Variants in WDR97 observed in about 807,000 individuals in gnomAD.
WDR97 encodes WD repeat domain 97.
In WDR97, 111 loss-of-function variants were observed where a neutral mutation model predicts 65.4. The observed-to-expected ratio is 1.70, with a 90% CI of 1.45 to 1.99. The LOEUF (loss-of-function observed/expected upper bound fraction) is 1.99. Ranked by LOEUF, WDR97 falls within the 30% of genes most tolerant of loss-of-function variation. The probability of loss-of-function intolerance (pLI) is 0.00; values close to 1 mark genes in which losing one functional copy is unlikely to be tolerated. For synonymous variants in WDR97, 802 were observed against 397.7 expected (o/e 2.02, Z -12.10); for missense variants, 1,674 against 865.0 (o/e 1.94, Z -11.73).
At position 144,109,711 on chromosome 8, in the gene WDR97, G is replaced by T. The variant is rs1286120576; in HGVS notation, c.1377G>T (p.Ser459=). The T allele has an allele frequency of 1.5e-6, 1 of 679,296 alleles. No homozygotes were observed. Among genetic ancestry groups the T allele is most frequent in the East Asian group, 2.8e-5 (1 of 35,096 alleles). 42.1% of individuals were successfully genotyped at this position (679,296 alleles called of 1,614,324 possible). ...CCGACGGCTCGGTCTACCTCCTGTC[G>T]GCGGCCACCGGGCGCATAGTGAGCT... ...ACADGSVYLL[S]AATGRIVSSL... Residue 459 remains serine (S), a synonymous_variant, in exon 5 of 24, where the codon TCG becomes TCT. Coordinates refer to ENST00000323662, the MANE Select transcript of WDR97 (RefSeq NM_001316309.2).
In WDR97 at chr8:144,109,896, C is replaced by T. The variant is rs767164839; in HGVS notation, c.1562C>T (p.Ala521Val). The T allele has an allele frequency of 2.9e-6, 2 of 701,646 alleles. No homozygotes were observed. Among genetic ancestry groups the T allele is most frequent in the South Asian group, 1.5e-5 (1 of 67,562 alleles). 43.5% of individuals were successfully genotyped at this position (701,646 alleles called of 1,614,324 possible). ...CGCGTGTGCCCGCCGCCGCCCCCTG[C>T]GCCGCAGCCTTGCTGTCTGCACCTG... ...LHRVCPPPPP[A>V]PQPCCLHLYS... The change falls in exon 5 of 24, where the codon GCG becomes GTG. Residue 521 changes from alanine to valine, a missense_variant. By Grantham distance (64) the Ala-to-Val change is moderately conservative (BLOSUM62 0). Transcript: ENST00000323662.
Position 144,109,683 on chromosome 8 carries a change from G to T in WDR97, c.1349G>T (p.Cys450Phe). 1.5e-6 allele frequency: 1 copy of T among 669,762 alleles called. No homozygotes were observed. Among genetic ancestry groups the T allele is most frequent in the Non-Finnish European group, 2.7e-6 (1 of 370,952 alleles). The allele number at this position is 669,762 out of a possible 1,614,324, so 41.5% of individuals were successfully genotyped here. A position where few individuals can be genotyped will look rare whatever the true frequency, so the allele number is the denominator to read the frequency against. ...CTGCCTACGCGCCTCGTGTGCGCGT[G>T]CGCCGACGGCTCGGTCTACCTCCTG... ...QSLPTRLVCACADGSVYLLSA... is the reference protein window; with the variant it reads ...QSLPTRLVCAFADGSVYLLSA... Residue 450 changes from cysteine (C) to phenylalanine (F), a missense_variant, in exon 5 of 24, where the codon TGC becomes TTC. Coordinates refer to ENST00000323662, the MANE Select transcript of WDR97 (RefSeq NM_001316309.2).
intron 11 of WDR97, 30 bp downstream of exon 11, chr8:144,111,516 C>A: frequency 1.4e-6 from 1 of 700,566 alleles, no homozygotes; most frequent in Non-Finnish European, 2.6e-6. Context: ...GCCCGCCCTG[C>A]CCCGGCTCAG....
rs1292597901 is a variant in WDR97, at chr8:144,110,746, T to C, written c.2171+7T>C. ...CTGAGAACCGCCTCCTGCGGTAGGCTAGGAGGTGGGGAGGGCTGGGGTCTC... is the reference window on the plus strand; with the variant it reads ...CTGAGAACCGCCTCCTGCGGTAGGCCAGGAGGTGGGGAGGGCTGGGGTCTC... On this transcript the variant is annotated splice_region_variant and intron_variant, in intron 8 of 23. Coordinates refer to ENST00000323662, the MANE Select transcript of WDR97 (RefSeq NM_001316309.2). 3 of 702,716 alleles carry C rather than the reference T, an allele frequency of 4.3e-6. No individual in the cohort carries two copies. Among genetic ancestry groups the C allele is most frequent in the Non-Finnish European group, 7.8e-6 (3 of 384,864 alleles). 43.5% of individuals were successfully genotyped at this position (702,716 alleles called of 1,614,324 possible).
Position 144,111,741 on chromosome 8 carries a change from T to C in WDR97, c.2597T>C (p.Phe866Ser), listed in dbSNP as rs1369900511. 1 of 692,940 alleles carries C rather than the reference T, an allele frequency of 1.4e-6. No homozygotes were observed. Among genetic ancestry groups the C allele is most frequent in the African/African-American group, 1.8e-5 (1 of 56,890 alleles). The allele number at this position is 692,940 out of a possible 1,614,324, so 42.9% of individuals were successfully genotyped here. The change falls in exon 12 of 24, where the codon TTT (phenylalanine) becomes TCT (serine). Residue 866 changes from phenylalanine (F) to serine (S), a missense_variant. Coordinates refer to ENST00000323662, the MANE Select transcript of WDR97 (RefSeq NM_001316309.2). ...PPSWQQRQEG[F>S]DNYLRLIYGS... ...TCCTGGCAGCAGCGCCAGGAAGGCTTTGACAATTACCTCCGTCTGATCTAC... is the reference window on the plus strand; with the variant it reads ...TCCTGGCAGCAGCGCCAGGAAGGCTCTGACAATTACCTCCGTCTGATCTAC...
Position 144,113,771 on chromosome 8 carries a change from G to A in WDR97, c.3298G>A (p.Asp1100Asn), listed in dbSNP as rs140224732. ...GEKPGEEGEE[D>N]KKEEEEEKED... ...GAAGCCTGGGGAGGAGGGGGAGGAA[G>A]ACAAGAAGGAAGAGGAGGAGGAGAA... The change falls in exon 17 of 24, where the codon GAC becomes AAC. Residue 1100 changes from aspartate to asparagine, a missense_variant. Physicochemically the swap from Asp to Asn is conservative, Grantham distance 23 (BLOSUM62 1). Transcript: ENST00000323662. 116 of 702,794 alleles carry A rather than the reference G, an allele frequency of 1.7e-4. No homozygotes were observed. The African/African-American group carries it at 1.7e-3, about 10-fold the overall frequency. The allele number at this position is 702,794 out of a possible 1,614,324, so 43.5% of individuals were successfully genotyped here. A position where few individuals can be genotyped will look rare whatever the true frequency, so the allele number is the denominator to read the frequency against.
In WDR97 at chr8:144,110,002, C is replaced by T. The variant is rs985953439; in HGVS notation, c.1668C>T (p.Ser556=). The change falls in exon 5 of 24, where the codon AGC becomes AGT. Residue 556 remains serine (S), a synonymous_variant. Coordinates refer to ENST00000323662, the MANE Select transcript of WDR97 (RefSeq NM_001316309.2). ...AGCACTGGGGCGAGTTGCGCTGCAG[C>T]TCTGTGGCCTGCGCCTGGAAGAACA... ...VRQHWGELRC[S]SVACAWKNKN... The T allele has an allele frequency of 8.6e-6, 6 of 698,952 alleles. No individual in the cohort carries two copies. Among genetic ancestry groups the T allele is most frequent in the Non-Finnish European group, 1.6e-5 (6 of 382,570 alleles). 43.3% of individuals were successfully genotyped at this position (698,952 alleles called of 1,614,324 possible).
intron 12 of WDR97, 47 bp downstream of exon 12, chr8:144,111,828 T>C (rs1166773440): frequency 1.4e-6 from 1 of 696,748 alleles, no homozygotes; most frequent in Non-Finnish European, 2.6e-6. Context: ...TGGCCCCTCT[T>C]CTCCACCCAC....
Position 144,112,493 on chromosome 8 carries a change from T to C in WDR97, c.3068T>C (p.Leu1023Pro), listed in dbSNP as rs1836571530. Residue 1023 changes from leucine (L) to proline (P), a missense_variant, in exon 15 of 24, where the codon CTC becomes CCC. Physicochemically the swap from Leu to Pro is moderately conservative, Grantham distance 98. Coordinates refer to ENST00000323662, the MANE Select transcript of WDR97 (RefSeq NM_001316309.2). ...KRWDKEPLSS[L>P]RGFFPATVQP... is the part of the protein sequence containing the mutation. The stretch of plus-strand genomic sequence containing the variant: ...TGGGACAAGGAACCTCTCTCTAGCC[T>C]CAGGGGCTTCTTTCCTGCCACCGTG... The C allele has an allele frequency of 1.4e-6, 1 of 702,510 alleles. No individual in the cohort carries two copies. The allele number at this position is 702,510 out of a possible 1,614,324, so 43.5% of individuals were successfully genotyped here.
At position 144,110,678 on chromosome 8, in the gene WDR97, T is replaced by C. The variant is rs1436551545; in HGVS notation, c.2110T>C (p.Tyr704His). Residue 704 changes from tyrosine (Y) to histidine (H), a missense_variant, in exon 8 of 24, where the codon TAT becomes CAT. Coordinates refer to ENST00000323662, the MANE Select transcript of WDR97 (RefSeq NM_001316309.2). ...GLCCCPTLKLYACSSLDCTVR... is the reference protein window; with the variant it reads ...GLCCCPTLKLHACSSLDCTVR... ...GTGCTGCTGCCCCACGCTCAAACTGTATGCCTGCTCCAGCCTGGACTGCAC... is the reference window on the plus strand; with the variant it reads ...GTGCTGCTGCCCCACGCTCAAACTGCATGCCTGCTCCAGCCTGGACTGCAC... The C allele has an allele frequency of 2.8e-6, 2 of 702,754 alleles. No individual in the cohort carries two copies. The highest frequency in any genetic ancestry group is 3.5e-5 in the African/African-American group (2 of 57,272). The allele number at this position is 702,754 out of a possible 1,614,324, so 43.5% of individuals were successfully genotyped here.
rs1836572225 is a variant in WDR97, at chr8:144,112,519, C to T, written c.3094C>T (p.Gln1032Ter). 8.5e-6 allele frequency: 6 copies of T among 702,684 alleles called. No homozygotes were observed. Among genetic ancestry groups the T allele is most frequent in the Non-Finnish European group, 1.6e-5 (6 of 384,938 alleles). 43.5% of individuals were successfully genotyped at this position (702,684 alleles called of 1,614,324 possible). ...CAGGGGCTTCTTTCCTGCCACCGTG[C>T]AGCCCCACAAGGTGAGACCCCCTCC... Reference protein sequence around the residue: ...SLRGFFPATVQPHKHCLRPIC... With the variant: ...SLRGFFPATV Residue 1032 changes from glutamine to a stop codon, truncating the protein, a stop_gained, in exon 15 of 24, where the codon CAG becomes TAG. Transcript: ENST00000323662. LOFTEE classifies it high-confidence loss of function.
intron 21 of WDR97, among the ~76,000 whole-genome samples, chr8:144,115,115 G>C (rs1331798145): frequency 6.7e-6 from 1 of 150,060 alleles, no homozygotes; most frequent in Non-Finnish European, 1.5e-5. Context: ...GCCCGAACCA[G>C]GGACAGCCCT....
chr8:144,118,107 A>G lies in WDR97; in HGVS notation c.*1814A>G, dbSNP rs1050641991. ...AACTGTGGATGGAAACCAATGACAGATATCATAATATCACACCCACACATC... is the reference window on the plus strand; with the variant it reads ...AACTGTGGATGGAAACCAATGACAGGTATCATAATATCACACCCACACATC... On this transcript the variant is annotated 3_prime_UTR_variant, in exon 24 of 24. Transcript: ENST00000323662. 2.0e-5 allele frequency: 3 copies of G among 152,220 alleles called. No individual in the cohort carries two copies. Among genetic ancestry groups the G allele is most frequent in the African/African-American group, 7.2e-5 (3 of 41,452 alleles). The allele number at this position is 152,220 out of a possible 1,614,324, so 9.4% of individuals were successfully genotyped here. A position where few individuals can be genotyped will look rare whatever the true frequency, so the allele number is the denominator to read the frequency against.
chr8:144,107,793 C>T lies in WDR97; in HGVS notation c.43C>T (p.Leu15=). ...GGAGGCAGAAGGCTACAACCTAGTTCTGGACTCGGACCTGTATGATGCGGA... is the reference window on the plus strand; with the variant it reads ...GGAGGCAGAAGGCTACAACCTAGTTTTGGACTCGGACCTGTATGATGCGGA... ...VWEAEGYNLV[L]DSDLYDADGY... The change falls in exon 1 of 24, where the codon CTG becomes TTG. Residue 15 remains leucine (L), a synonymous_variant. Transcript: ENST00000323662. 1 of 702,834 alleles carries T rather than the reference C, an allele frequency of 1.4e-6. No homozygotes were observed. The highest frequency in any genetic ancestry group is 1.5e-5 in the South Asian group (1 of 67,604). The allele number at this position is 702,834 out of a possible 1,614,324, so 43.5% of individuals were successfully genotyped here.
In WDR97 at chr8:144,116,512, C is replaced by T; in HGVS notation, c.*219C>T. 2.0e-6 allele frequency: 1 copy of T among 495,796 alleles called. No homozygotes were observed. Among genetic ancestry groups the T allele is most frequent in the Non-Finnish European group, 3.5e-6 (1 of 282,920 alleles). The allele number at this position is 495,796 out of a possible 1,614,324, so 30.7% of individuals were successfully genotyped here. A position where few individuals can be genotyped will look rare whatever the true frequency, so the allele number is the denominator to read the frequency against. On this transcript the variant is annotated 3_prime_UTR_variant, in exon 24 of 24. Transcript: ENST00000323662. ...TGGCGGAGGTGGCCATCGTGGGCAC[C>T]AGCGTTCCCGGAGGGGTGGCCGGCC...
In WDR97 at chr8:144,111,227, C is replaced by A. The variant is rs1183452357; in HGVS notation, c.2426+5C>A. On this transcript the variant is annotated splice_donor_5th_base_variant and intron_variant, in intron 10 of 23. Transcript: ENST00000323662. ...CCATGGGGCAGCCAGCCTCAGGTCC[C>A]ATGCAGGCCTGCTCAGCCCTCCTGG... 3 of 702,746 alleles carry A rather than the reference C, an allele frequency of 4.3e-6. No individual in the cohort carries two copies. The highest frequency in any genetic ancestry group is 3.5e-5 in the African/African-American group (2 of 57,388). 43.5% of individuals were successfully genotyped at this position (702,746 alleles called of 1,614,324 possible). A position where few individuals can be genotyped will look rare whatever the true frequency, so the allele number is the denominator to read the frequency against.
rs1411601768 is a variant in WDR97 at position 144,110,634 on chromosome 8, G to A, written c.2081-15G>A. The A allele has an allele frequency of 2.8e-6, 2 of 702,830 alleles. No individual in the cohort carries two copies. The highest frequency in any genetic ancestry group is 2.0e-5 in the Admixed American group (1 of 50,022). The allele number at this position is 702,830 out of a possible 1,614,324, so 43.5% of individuals were successfully genotyped here. On this transcript the variant is annotated splice_polypyrimidine_tract_variant and intron_variant, in intron 7 of 23. Transcript: ENST00000323662. ...CCGCCCAGCTCCGGTTCCTGACCCT[G>A]AACCCTGCCGCCAGGCCTGTGCTGC...
chr8:144,112,039 G>A lies in WDR97; in HGVS notation c.2790G>A (p.Leu930=). ...CAGCCCAAACAGTGCCAACAGCCCTGTCCCCACAGGACCTGGGAGCCCTGG... is the reference window on the plus strand; with the variant it reads ...CAGCCCAAACAGTGCCAACAGCCCTATCCCCACAGGACCTGGGAGCCCTGG... ...STAAQTVPTA[L]SPQDLGALGQ... is the part of the protein sequence containing the mutation. Residue 930 remains leucine (L), a synonymous_variant, in exon 13 of 24, where the codon CTG becomes CTA. Transcript: ENST00000323662. The A allele has an allele frequency of 1.4e-6, 1 of 702,682 alleles. No individual in the cohort carries two copies. The highest frequency in any genetic ancestry group is 2.6e-6 in the Non-Finnish European group (1 of 384,968). The allele number at this position is 702,682 out of a possible 1,614,324, so 43.5% of individuals were successfully genotyped here. A position where few individuals can be genotyped will look rare whatever the true frequency, so the allele number is the denominator to read the frequency against.
At chr8:144,112,984 T>C in intron 15 of WDR97, 2 of 294,084 alleles carry the variant, frequency 6.8e-6, no homozygotes, top group Non-Finnish European at 6.4e-6. Context: ...CCTCAGCCCC[T>C]CCCCCAGCAT....
Sources: allele counts gnomAD v4.1 joint callset (sites outside exome capture counted in the v4.1 genomes callset), GRCh38; gene constraint gnomAD v4.1.1; transcripts MANE v1.5; gene names NCBI Gene and HGNC (gene_info 2026-07-23, HGNC 2026-07-21).